The following PLCH1 variants were observed in gnomAD, a reference collection of about 807,000 sequenced individuals.
PLCH1 encodes phospholipase C eta 1.
PLCH1 carries 60 observed loss-of-function variants against 126.7 expected under a neutral mutation model. That is an observed-to-expected ratio of 0.47 (90% confidence interval 0.38 to 0.59). The LOEUF (loss-of-function observed/expected upper bound fraction) is 0.59, where lower values mean the gene tolerates loss of function less well. PLCH1 is among the 20% of genes least tolerant of loss of function. The pLI is 0.00. For missense variants in PLCH1, 1,723 were observed against 2,040.0 expected, an observed-to-expected ratio of 0.84 and a Z score of 2.99; for synonymous variants, 719 against 734.9, an observed-to-expected ratio of 0.98 and a Z score of 0.35.
chr3:155,682,094 G>A (rs1390907095), intron 2 of PLCH1, among the ~76,000 whole-genome samples: 1 of 152,178 alleles, frequency 6.6e-6, no homozygotes, highest in African/African-American at 2.4e-5. Context: ...TAACTGAAGG[G>A]TTAGACTTTA....
At chr3:155,743,691 C>A (rs965150778) in intron 1 of PLCH1, 63 of 370,914 alleles carry the variant, frequency 1.7e-4, no homozygotes, top group Middle Eastern at 1.5e-3. Context: ...TCCTTTGTTT[C>A]TTTTCATTGG....
intron 4 of PLCH1, among the ~76,000 whole-genome samples, chr3:155,589,238 G>C (rs1050734790): frequency 3.9e-5 from 6 of 152,030 alleles, no homozygotes; most frequent in Admixed American, 2.6e-4. Context: ...AGTTTTGCAG[G>C]ACATTTGCTC....
At chr3:155,582,075 C>CTTTTTTTTTTTTTTTT (rs869254665) in intron 6 of PLCH1, among the ~76,000 whole-genome samples, 8 of 64,116 alleles carry the variant, frequency 1.2e-4, no homozygotes, top group East Asian at 4.7e-4. Context: ...TCTTTTCTTT[C>CTTTTTTTTTTTTTTTT]TTTTTTTTTT....
chr3:155,579,314 C>T (rs1262994869), intron 6 of PLCH1, among the ~76,000 whole-genome samples: 2 of 152,226 alleles, frequency 1.3e-5, no homozygotes, highest in Admixed American at 1.3e-4. Context: ...TCTCACATTG[C>T]TCCTTGGAAA....
chr3:155,598,468 A>G (rs1463989327), intron 2 of PLCH1, among the ~76,000 whole-genome samples: 1 of 152,216 alleles, frequency 6.6e-6, no homozygotes, highest in African/African-American at 2.4e-5. Flanking sequence ...AATAGATCAT[A>G]TCAATAAACA....
chr3:155,554,468 T>G (rs749745990), intron 8 of PLCH1, among the ~76,000 whole-genome samples: 1 of 152,188 alleles, frequency 6.6e-6, no homozygotes, highest in Non-Finnish European at 1.5e-5. Context: ...CACCAAAAAC[T>G]CATTAGAACT....
In PLCH1 at chr3:155,588,333, C is replaced by T. The variant is rs746335462; in HGVS notation, c.471-2139G>A. Among the ~76,000 whole-genome samples, 8 of 152,108 alleles carry T rather than the reference C, an allele frequency of 5.3e-5. No individual in the cohort carries two copies. The South Asian group carries it at 6.2e-4, about 12-fold the overall frequency. On this transcript the variant is annotated intron_variant, in intron 4 of 22. Coordinates refer to ENST00000460012, the MANE Select transcript of PLCH1 (RefSeq NM_014996.4). ...GGTCCAGATCTGGGGGGAAAGTAAC[C>T]GAAGAACCAAAAGGGTGAAACATTT...
At chr3:155,614,720 T>A (rs2108747446) in intron 2 of PLCH1, among the ~76,000 whole-genome samples, 1 of 152,320 alleles carries the variant, frequency 6.6e-6, no homozygotes, top group South Asian at 2.1e-4. Context: ...CTGGGATAAT[T>A]GGCAAGCCAC....
At chr3:155,530,278 T>C (rs1312076357) in intron 10 of PLCH1, among the ~76,000 whole-genome samples, 1 of 152,062 alleles carries the variant, frequency 6.6e-6, no homozygotes, top group East Asian at 1.9e-4. Context: ...AAGTAATTCC[T>C]CATCTATTTA....
At chr3:155,454,878 C>A (rs551162241) in intron 21 of PLCH1, among the ~76,000 whole-genome samples, 1 of 152,172 alleles carries the variant, frequency 6.6e-6, no homozygotes, top group Admixed American at 6.5e-5. Context: ...TGGGCTGGTC[C>A]CCCTGTTACA....
chr3:155,696,925 A>G (rs1745860824), intron 2 of PLCH1, among the ~76,000 whole-genome samples: 1 of 152,230 alleles, frequency 6.6e-6, no homozygotes, highest in Admixed American at 6.5e-5. Flanking sequence ...GAAAATTGAA[A>G]GCTAAAGCTT....
intron 6 of PLCH1, among the ~76,000 whole-genome samples, chr3:155,581,273 G>GTGA (rs1419226236): frequency 6.6e-6 from 1 of 152,178 alleles, no homozygotes; most frequent in Non-Finnish European, 1.5e-5. Flanking sequence ...ATCAAATTAG[G>GTGA]TGACCCAACT....
At position 155,646,895 on chromosome 3, in the gene PLCH1, C is replaced by T. The variant is rs144950998; in HGVS notation, c.80-50517G>A. Among the ~76,000 whole-genome samples, 890 of 152,322 alleles carry T rather than the reference C, an allele frequency of 5.8e-3. 12 individuals carry two copies. Among genetic ancestry groups the T allele is most frequent in the African/African-American group, 0.02 (843 of 41,564 alleles). ...ATGAAGCACAAGGAACATTACAATA[C>T]ATACCTGTGGTTGTTTTAAAATATA... On this transcript the variant is annotated intron_variant, in intron 2 of 22. Coordinates refer to ENST00000460012, the MANE Select transcript of PLCH1 (RefSeq NM_014996.4).
intron 4 of PLCH1, among the ~76,000 whole-genome samples, chr3:155,589,001 T>G (rs183288309): frequency 1.4e-4 from 21 of 152,328 alleles, no homozygotes; most frequent in Admixed American, 3.3e-4. Context: ...ATAATTAAGA[T>G]ATGAGTGTCC....
intron 1 of PLCH1, among the ~76,000 whole-genome samples, chr3:155,708,496 T>C (rs911856049): frequency 2.0e-5 from 3 of 152,214 alleles, no homozygotes; most frequent in African/African-American, 7.2e-5. Flanking sequence ...AGCTGGAAGA[T>C]GATAAACTGA....
At chr3:155,471,471 A>G (rs1456769666) in intron 21 of PLCH1, among the ~76,000 whole-genome samples, 1 of 146,820 alleles carries the variant, frequency 6.8e-6, no homozygotes, top group African/African-American at 2.5e-5. Flanking sequence ...CCCACACATT[A>G]ATAATGGGAG....
intron 2 of PLCH1, among the ~76,000 whole-genome samples, chr3:155,692,717 TC>T: frequency 6.6e-6 from 1 of 152,192 alleles, no homozygotes; most frequent in East Asian, 1.9e-4. Flanking sequence ...CTCATTCTCC[TC>T]ATTAGCGAAA....
chr3:155,628,389 G>A lies in PLCH1; in HGVS notation c.80-32011C>T, dbSNP rs967425199. The stretch of plus-strand genomic sequence containing the variant: ...AAAAAAAAAAAAAATCCTTATCCTC[G>A]AAGACACAGAGACACCAAGAGGAAT... On this transcript the variant is annotated intron_variant, in intron 2 of 22. Coordinates refer to ENST00000460012, the MANE Select transcript of PLCH1 (RefSeq NM_014996.4). Among the ~76,000 whole-genome samples, 102 of 138,806 alleles carry A rather than the reference G, an allele frequency of 7.3e-4. 2 individuals carry two copies. Among genetic ancestry groups the A allele is most frequent in the Admixed American group, 5.8e-3 (77 of 13,350 alleles). The allele number at this position is 138,806 out of a possible 152,430, so 91.1% of individuals were successfully genotyped here.
At chr3:155,624,297 C>T (rs538255467) in intron 2 of PLCH1, among the ~76,000 whole-genome samples, 123 of 152,260 alleles carry the variant, frequency 8.1e-4, no homozygotes, top group African/African-American at 2.9e-3. Context: ...TAATATCATA[C>T]TGAATGGGCA....
Sources: allele counts gnomAD v4.1 joint callset (sites outside exome capture counted in the v4.1 genomes callset), GRCh38; gene constraint gnomAD v4.1.1; transcripts MANE v1.5; gene names NCBI Gene and HGNC (gene_info 2026-07-23, HGNC 2026-07-21).